Variants in SIK2 observed in about 807,000 individuals in gnomAD.
The protein encoded by SIK2 is serine/threonine-protein kinase SIK2.
SIK2 carries 29 observed loss-of-function variants against 103.2 expected under a neutral mutation model. The ratio of observed to expected loss-of-function variants is 0.28; its 90% CI spans 0.21 to 0.38. The LOEUF is 0.38. Among genes scored for constraint, SIK2 ranks in the 10% least tolerant of loss-of-function variants. SIK2 has a pLI of 1.00. For synonymous variants in SIK2, 412 were observed against 446.1 expected, an observed-to-expected ratio of 0.92 and a Z score of 0.96; for missense variants, 879 against 1,171.0, an observed-to-expected ratio of 0.75 and a Z score of 3.64.
At chr11:111,637,585 C>T (rs1942127034) in intron 3 of SIK2, among the ~76,000 whole-genome samples, 1 of 151,476 alleles carries the variant, frequency 6.6e-6, no homozygotes, top group South Asian at 2.1e-4. Context: ...TCAGCCTCCC[C>T]AGTAGCTGGG....
At chr11:111,685,334 G>A (rs189306637) in intron 3 of SIK2, among the ~76,000 whole-genome samples, 64 of 152,314 alleles carry the variant, frequency 4.2e-4, no homozygotes, top group Admixed American at 1.2e-3. Context: ...GACCAGTGCT[G>A]GTCCGTGACC....
At chr11:111,628,161 A>C (rs1481490462) in intron 3 of SIK2, among the ~76,000 whole-genome samples, 1 of 152,138 alleles carries the variant, frequency 6.6e-6, no homozygotes, top group Non-Finnish European at 1.5e-5. Flanking sequence ...TATTTATTTA[A>C]TATTATCCGT....
At position 111,722,534 on chromosome 11, in the gene SIK2, GTC is replaced by G; in HGVS notation, c.2056-130_2056-129del. 2.3e-6 allele frequency: 2 copies of G among 856,048 alleles called. No individual in the cohort carries two copies. The highest frequency in any genetic ancestry group is 3.6e-6 in the Non-Finnish European group (2 of 549,228). 53.0% of individuals were successfully genotyped at this position (856,048 alleles called of 1,614,324 possible). The stretch of plus-strand genomic sequence containing the variant: ...TCTTTCAGGGTCTCAGGGAGTAAAT[GTC>G]AGTCCCTTCACCCCGTGTGGATTCT... On this transcript the variant is annotated intron_variant, in intron 13 of 14. Transcript: ENST00000304987. The surrounding 1 kb of genome is among the most constrained non-coding windows in gnomAD (Gnocchi z 4.4).
At chr11:111,711,801 G>GTA (rs1187345554) in intron 8 of SIK2, among the ~76,000 whole-genome samples, 1 of 152,170 alleles carries the variant, frequency 6.6e-6, no homozygotes, top group Non-Finnish European at 1.5e-5. Context: ...TTGTGGGTGT[G>GTA]TATATATCTG....
At chr11:111,704,287 C>T (rs1180149175) in intron 7 of SIK2, among the ~76,000 whole-genome samples, 1 of 152,288 alleles carries the variant, frequency 6.6e-6, no homozygotes, top group South Asian at 2.1e-4. Flanking sequence ...ATCCTGGTGC[C>T]CTGCACAGCA....
At chr11:111,653,989 A>G (rs1325055993) in intron 3 of SIK2, among the ~76,000 whole-genome samples, 2 of 152,224 alleles carry the variant, frequency 1.3e-5, no homozygotes, top group East Asian at 3.8e-4. Context: ...TCCAAAGTCA[A>G]TTTCAAGATG....
chr11:111,717,372 GCAAAT>G (rs1342912265), intron 9 of SIK2, among the ~76,000 whole-genome samples: 1 of 126,320 alleles, frequency 7.9e-6, no homozygotes, highest in Admixed American at 8.4e-5. Context: ...TTAGAGAAAT[GCAAAT>G]CAAAACCACA....
chr11:111,686,099 T>A (rs773468386), intron 3 of SIK2, among the ~76,000 whole-genome samples: 1 of 152,198 alleles, frequency 6.6e-6, no homozygotes, highest in African/African-American at 2.4e-5. Flanking sequence ...CACTGTGATA[T>A]GAACATGCTT....
chr11:111,684,191 T>C (rs1346841000), intron 3 of SIK2, among the ~76,000 whole-genome samples: 1 of 152,204 alleles, frequency 6.6e-6, no homozygotes, highest in Non-Finnish European at 1.5e-5. Context: ...GCCTTCCTGC[T>C]GCCACGTTTC....
rs745933839 is a variant in SIK2, at chr11:111,719,987, C to G, written c.1479C>G (p.Val493=). Residue 493 remains valine, a synonymous_variant, in exon 10 of 15, where the codon GTC becomes GTG. Coordinates refer to ENST00000304987, the MANE Select transcript of SIK2 (RefSeq NM_015191.3). ...HTLSEVTNQL[V]VMPGAGKIFS... is the part of the protein sequence containing the mutation. ...TGTCAGAAGTGACCAATCAACTGGT[C>G]GTGATGCCTGGGGCAGGTACGGTAG... The G allele has an allele frequency of 3.1e-6, 5 of 1,613,710 alleles. No homozygotes were observed. The highest frequency in any genetic ancestry group is 3.3e-5 in the Admixed American group (2 of 59,984).
At chr11:111,654,232 G>T (rs1425197009) in intron 3 of SIK2, among the ~76,000 whole-genome samples, 1 of 152,182 alleles carries the variant, frequency 6.6e-6, no homozygotes, top group Non-Finnish European at 1.5e-5. Flanking sequence ...ATGATTGGGT[G>T]AATCCTTATG....
intron 3 of SIK2, among the ~76,000 whole-genome samples, chr11:111,625,055 G>A (rs484013): frequency 0.6 from 90,468 of 151,996 alleles, 30,075 homozygotes; most frequent in East Asian, 0.96. Context: ...AGAGCAAGGA[G>A]GAAGAACAGT....
intron 3 of SIK2, among the ~76,000 whole-genome samples, chr11:111,638,430 A>G (rs1347834268): frequency 1.3e-5 from 2 of 152,132 alleles, no homozygotes; most frequent in Admixed American, 6.5e-5. Context: ...TTTTAGCTTC[A>G]TTTTACACCA....
intron 3 of SIK2, among the ~76,000 whole-genome samples, chr11:111,634,515 C>A (rs1942079916): frequency 6.6e-6 from 1 of 151,962 alleles, no homozygotes; most frequent in African/African-American, 2.4e-5. Flanking sequence ...TCTGTCCTTA[C>A]TTCTCCAACA....
At position 111,723,811 on chromosome 11, in the gene SIK2, G is replaced by A; in HGVS notation, c.2463G>A (p.Gln821=). ...CTCTGCCCACGCAGCTACAGCAGCA[G>A]CAGCCGCCACCGCCACCACCCCCTC... ...APPLPTQLQQ[Q]QPPPPPPPPP... The change falls in exon 15 of 15, where the codon CAG becomes CAA. Residue 821 remains glutamine, a synonymous_variant. Coordinates refer to ENST00000304987, the MANE Select transcript of SIK2 (RefSeq NM_015191.3). 4.3e-6 allele frequency: 7 copies of A among 1,612,688 alleles called. No homozygotes were observed. The highest frequency in any genetic ancestry group is 5.9e-6 in the Non-Finnish European group (7 of 1,179,824).
intron 1 of SIK2, among the ~76,000 whole-genome samples, chr11:111,606,206 A>T (rs1407028671): frequency 6.6e-6 from 1 of 152,144 alleles, no homozygotes; most frequent in Admixed American, 6.5e-5. Flanking sequence ...AGAAAAGCCA[A>T]TTGTATCCTT....
At chr11:111,644,378 CT>C (rs1271741833) in intron 3 of SIK2, among the ~76,000 whole-genome samples, 1 of 149,924 alleles carries the variant, frequency 6.7e-6, no homozygotes, top group African/African-American at 2.5e-5. Flanking sequence ...CCAAAGGAAA[CT>C]TTTTTTACAT....
In SIK2 at chr11:111,723,980, A is replaced by G. The variant is rs1207245342; in HGVS notation, c.2632A>G (p.Thr878Ala). ...PVDGAQQSDLTGPDCPRSPGL... is the reference protein window; with the variant it reads ...PVDGAQQSDLAGPDCPRSPGL... ...GGATGGAGCCCAGCAGAGCGACCTA[A>G]CGGGGCCAGACTGTCCCAGAAGCCC... Residue 878 changes from threonine (T) to alanine (A), a missense_variant, in exon 15 of 15, where the codon ACG (threonine) becomes GCG (alanine). Physicochemically the swap from Thr to Ala is moderately conservative, Grantham distance 58. Transcript: ENST00000304987. 6.2e-7 allele frequency: 1 copy of G among 1,614,000 alleles called. No individual in the cohort carries two copies. Among genetic ancestry groups the G allele is most frequent in the East Asian group, 2.2e-5 (1 of 44,874 alleles).
chr11:111,724,006 A>G lies in SIK2; in HGVS notation c.2658A>G (p.Pro886=), dbSNP rs775182273. 1 of 1,614,202 alleles carries G rather than the reference A, an allele frequency of 6.2e-7. No individual in the cohort carries two copies. The highest frequency in any genetic ancestry group is 8.5e-7 in the Non-Finnish European group (1 of 1,180,038). Residue 886 remains proline (P), a synonymous_variant, in exon 15 of 15, where the codon CCA becomes CCG. Transcript: ENST00000304987. ...DLTGPDCPRS[P]GLQEAPSSYD... ...CGGGGCCAGACTGTCCCAGAAGCCC[A>G]GGACTGCAAGAGGCCCCCTCCAGCT...
Sources: allele counts gnomAD v4.1 joint callset (sites outside exome capture counted in the v4.1 genomes callset), GRCh38; gene constraint gnomAD v4.1.1; non-coding constraint Gnocchi (gnomAD v3.1); transcripts MANE v1.5; gene names NCBI Gene and HGNC (gene_info 2026-07-23, HGNC 2026-07-21).